Variants in EFHB observed in about 807,000 individuals in gnomAD.
The protein encoded by EFHB is EF-hand domain family member B, also known as EF-hand domain-containing family member B.
In EFHB, 91 loss-of-function variants were observed where a neutral mutation model predicts 87.2. That is an observed-to-expected ratio of 1.04 (90% CI 0.88 to 1.24). The LOEUF (loss-of-function observed/expected upper bound fraction) is 1.24, where lower values mean the gene tolerates loss of function less well. Ranked by LOEUF, EFHB falls within the 50% of genes most tolerant of loss-of-function variation. The pLI is 0.00. For synonymous variants in EFHB, 325 were observed against 333.6 expected (o/e 0.97, Z 0.28); for missense variants, 1,084 against 998.8 (o/e 1.09, Z -1.15).
At chr3:19,883,890 G>A (rs2071744405) in intron 11 of EFHB, among the ~76,000 whole-genome samples, 1 of 152,140 alleles carries the variant, frequency 6.6e-6, no homozygotes, top group African/African-American at 2.4e-5. Context: ...TCCACCAGAG[G>A]AACCAATCCT....
At chr3:19,909,920 T>C (rs1694998424) in intron 5 of EFHB, among the ~76,000 whole-genome samples, 1 of 152,104 alleles carries the variant, frequency 6.6e-6, no homozygotes, top group Non-Finnish European at 1.5e-5. Context: ...CGAAGAGCTC[T>C]TGGGCCCTGA....
At position 19,934,069 on chromosome 3, in the gene EFHB, G is replaced by A; in HGVS notation, c.-51C>T. On this transcript the variant is annotated 5_prime_UTR_variant, in exon 1 of 13. Coordinates refer to ENST00000295824, the MANE Select transcript of EFHB (RefSeq NM_144715.4). ...CTCCAAGAGCGCTCATCTCTAAGGG[G>A]AAAGCTGTACCTGGCTACAAAGACG... The A allele has an allele frequency of 1.3e-6, 2 of 1,531,106 alleles. No individual in the cohort carries two copies. Among genetic ancestry groups the A allele is most frequent in the East Asian group, 4.8e-5 (2 of 41,304 alleles). The allele number at this position is 1,531,106 out of a possible 1,614,324, so 94.8% of individuals were successfully genotyped here. A position where few individuals can be genotyped will look rare whatever the true frequency, so the allele number is the denominator to read the frequency against.
At chr3:19,925,241 C>CAA (rs968867573) in intron 1 of EFHB, among the ~76,000 whole-genome samples, 5,926 of 61,958 alleles carry the variant, frequency 0.096, 590 homozygotes, top group African/African-American at 0.27. Flanking sequence ...GACTCCTTCT[C>CAA]AAAAAAAAAA....
At chr3:19,928,807 AATAGAG>A (rs1351553133) in intron 1 of EFHB, among the ~76,000 whole-genome samples, 2 of 152,130 alleles carry the variant, frequency 1.3e-5, no homozygotes, top group East Asian at 1.9e-4. Context: ...TGAGGTAGGA[AATAGAG>A]ATAGATGAAA....
intron 5 of EFHB, among the ~76,000 whole-genome samples, chr3:19,911,081 T>C (rs914772928): frequency 1.3e-5 from 2 of 152,134 alleles, no homozygotes; most frequent in Non-Finnish European, 2.9e-5. Context: ...TAGGAAAATA[T>C]GACCTCACTA....
chr3:19,916,662 A>C (rs1695244664), intron 4 of EFHB, among the ~76,000 whole-genome samples: 1 of 152,214 alleles, frequency 6.6e-6, no homozygotes, highest in Non-Finnish European at 1.5e-5. Flanking sequence ...TAATAGCTGC[A>C]TTCCCATGAC....
chr3:19,885,222 C>CAAA (rs11395084), intron 10 of EFHB, among the ~76,000 whole-genome samples: 2 of 93,750 alleles, frequency 2.1e-5, no homozygotes, highest in Non-Finnish European at 4.6e-5. Context: ...GACTTCGTCT[C>CAAA]AAAAAAAAAA....
At chr3:19,946,246 A>G (rs187289538) in intron 1 of EFHB, 1 of 152,352 alleles carries the variant, frequency 6.6e-6, no homozygotes, top group Admixed American at 6.5e-5. Flanking sequence ...TGTGTCTCAA[A>G]TTCTTTACCT....
rs1218354232 is a variant in EFHB, at chr3:19,933,786, T to G, written c.233A>C (p.Asn78Thr). 6.2e-7 allele frequency: 1 copy of G among 1,613,968 alleles called. No individual in the cohort carries two copies. Among genetic ancestry groups the G allele is most frequent in the African/African-American group, 1.3e-5 (1 of 75,020 alleles). ...CCTCTGCATGACAGTCCTAGAAATA[T>G]TCTGTCTTTCTAATCCCATTTCAAG... ...KGLEMGLERQ[N>T]ISRTVMQRGS... The change falls in exon 1 of 13, where the codon AAT (asparagine) becomes ACT (threonine). Residue 78 changes from asparagine (N) to threonine (T), a missense_variant. Asn to Thr is a moderately conservative substitution (Grantham distance 65, BLOSUM62 0). Coordinates refer to ENST00000295824, the MANE Select transcript of EFHB (RefSeq NM_144715.4).
chr3:19,881,036 C>T (rs990258204), intron 12 of EFHB, among the ~76,000 whole-genome samples: 3 of 152,166 alleles, frequency 2.0e-5, no homozygotes, highest in African/African-American at 7.2e-5. Context: ...ATGATGTACC[C>T]TTGTGGGAAA....
chr3:19,882,619 T>A lies in EFHB; in HGVS notation c.2259A>T (p.Leu753=), dbSNP rs758553051. 17 of 1,613,186 alleles carry A rather than the reference T, an allele frequency of 1.1e-5. No homozygotes were observed. The South Asian group carries it at 1.9e-4, about 18-fold the overall frequency. The change falls in exon 12 of 13, where the codon CTA becomes CTT. Residue 753 remains leucine (L), a synonymous_variant. Transcript: ENST00000295824. ...CTTTCCGGGCAAAAATGGTAGGATATAGTAGTGAATATGCACTACCTTCTT... is the reference window on the plus strand; with the variant it reads ...CTTTCCGGGCAAAAATGGTAGGATAAAGTAGTGAATATGCACTACCTTCTT... ...YGEEGSAYSL[L]YPTIFARKGV...
chr3:19,882,689 G>A lies in EFHB; in HGVS notation c.2189C>T (p.Pro730Leu). ...ACTGATGCGACGAATTCGGGGAGCA[G>A]GAATGTCAGATCGAATGGTTGGAAC... ...CGVPTIRSDIPAPRIRRISDR... is the reference protein window; with the variant it reads ...CGVPTIRSDILAPRIRRISDR... Residue 730 changes from proline to leucine, a missense_variant, in exon 12 of 13, where the codon CCT becomes CTT. Coordinates refer to ENST00000295824, the MANE Select transcript of EFHB (RefSeq NM_144715.4). The A allele has an allele frequency of 6.2e-7, 1 of 1,613,710 alleles. No homozygotes were observed. The highest frequency in any genetic ancestry group is 8.5e-7 in the Non-Finnish European group (1 of 1,179,766).
chr3:19,896,047 G>C (rs953988497), intron 9 of EFHB, among the ~76,000 whole-genome samples: 1 of 152,158 alleles, frequency 6.6e-6, no homozygotes, highest in African/African-American at 2.4e-5. Context: ...ACCACACCCT[G>C]CTCCCCAGGG....
At chr3:19,891,490 G>C (rs1336870844) in intron 9 of EFHB, among the ~76,000 whole-genome samples, 3 of 152,292 alleles carry the variant, frequency 2.0e-5, no homozygotes, top group South Asian at 4.1e-4. Flanking sequence ...GTCTGGCTGA[G>C]CTGAAACCTG....
chr3:19,933,961 C>A lies in EFHB; in HGVS notation c.58G>T (p.Val20Phe). 1 of 1,613,430 alleles carries A rather than the reference C, an allele frequency of 6.2e-7. No individual in the cohort carries two copies. Among genetic ancestry groups the A allele is most frequent in the African/African-American group, 1.3e-5 (1 of 75,016 alleles). Reference protein sequence around the residue: ...EGKDDLGDKRVIMGTKFPMEL... With the variant: ...EGKDDLGDKRFIMGTKFPMEL... ...ATGGGAAATTTTGTTCCCATGATGA[C>A]CCTCTTGTCTCCTAAATCATCCTTT... Residue 20 changes from valine to phenylalanine, a missense_variant, in exon 1 of 13, where the codon GTC (valine) becomes TTC (phenylalanine). By Grantham distance (50) the Val-to-Phe change is conservative. Transcript: ENST00000295824.
chr3:19,934,156 T>A lies in EFHB; in HGVS notation c.-138A>T, dbSNP rs1362599259. 5 of 1,445,628 alleles carry A rather than the reference T, an allele frequency of 3.5e-6. No individual in the cohort carries two copies. The highest frequency in any genetic ancestry group is 4.5e-6 in the Non-Finnish European group (5 of 1,107,214). 89.6% of individuals were successfully genotyped at this position (1,445,628 alleles called of 1,614,324 possible). A position where few individuals can be genotyped will look rare whatever the true frequency, so the allele number is the denominator to read the frequency against. On this transcript the variant is annotated 5_prime_UTR_variant, in exon 1 of 13. Coordinates refer to ENST00000295824, the MANE Select transcript of EFHB (RefSeq NM_144715.4). The stretch of plus-strand genomic sequence containing the variant: ...AGCACAACCTCACTCGGACTCCCTG[T>A]CCATTGCTTCCTGCCTGCCTCTTAA...
At position 19,888,467 on chromosome 3, in the gene EFHB, T is replaced by C. The variant is rs752217869; in HGVS notation, c.1910A>G (p.Tyr637Cys). 2.5e-5 allele frequency: 39 copies of C among 1,559,804 alleles called. No homozygotes were observed. Among genetic ancestry groups the C allele is most frequent in the Non-Finnish European group, 3.3e-5 (38 of 1,149,252 alleles). The change falls in exon 10 of 13, where the codon TAT becomes TGT. Residue 637 changes from tyrosine (Y) to cysteine (C), a missense_variant. By Grantham distance (194) the Tyr-to-Cys change is radical. Coordinates refer to ENST00000295824, the MANE Select transcript of EFHB (RefSeq NM_144715.4). ...ACCTTTAATAATGACCCTCTCTTCA[T>C]ACTCTTTAAGAAGCATTTTGTCTTT... ...NWKDKMLLKEYEERVIIKGRK... is the reference protein window; with the variant it reads ...NWKDKMLLKECEERVIIKGRK...
intron 12 of EFHB, among the ~76,000 whole-genome samples, chr3:19,881,825 G>A (rs2071682728): frequency 1.3e-5 from 2 of 152,046 alleles, no homozygotes; most frequent in African/African-American, 2.4e-5. Context: ...GAAGAAGCAA[G>A]TACTCCCTGA....
At chr3:19,930,884 G>A (rs1695806484) in intron 1 of EFHB, among the ~76,000 whole-genome samples, 2 of 152,186 alleles carry the variant, frequency 1.3e-5, no homozygotes, top group African/African-American at 4.8e-5. Context: ...TGTAATCCCA[G>A]CACTTTGGGA....
Sources: allele counts gnomAD v4.1 joint callset (sites outside exome capture counted in the v4.1 genomes callset), GRCh38; gene constraint gnomAD v4.1.1; transcripts MANE v1.5; gene names NCBI Gene and HGNC (gene_info 2026-07-23, HGNC 2026-07-21).